The following LRRC74B variants were observed in gnomAD, a reference collection of about 807,000 sequenced individuals.
LRRC74B encodes the protein leucine-rich repeat-containing protein 74B.
A neutral mutation model predicts 16.6 loss-of-function variants in LRRC74B; 30 were observed. That is an observed-to-expected ratio of 1.80 (90% CI 1.35 to 2.45). The LOEUF (loss-of-function observed/expected upper bound fraction) is 2.45, where lower values mean the gene tolerates loss of function less well. LRRC74B is among the 30% of genes most tolerant of loss of function. The pLI is 0.00. For synonymous variants in LRRC74B, 134 were observed against 86.0 expected (o/e 1.56, Z -3.09); for missense variants, 326 against 202.4 (o/e 1.61, Z -3.71).
chr22:21,054,972 G>A (rs931401385), intron 6 of LRRC74B, 126 bp from the exon 7 acceptor site: 2 of 647,776 alleles, frequency 3.1e-6, no homozygotes, highest in East Asian at 2.7e-5. Flanking sequence ...TGGGGTGTGA[G>A]TGGAGGGAAC....
intron 3 of LRRC74B, chr22:21,048,742 T>C: frequency 1.7e-6 from 1 of 583,222 alleles, no homozygotes; most frequent in Non-Finnish European, 3.1e-6. Flanking sequence ...TTTAACCACT[T>C]GACACAGAAG....
downstream of LRRC74B, chr22:21,062,438 G>GGC (rs893202076): frequency 6.6e-6 from 1 of 152,150 alleles, no homozygotes; most frequent in African/African-American, 2.4e-5. Context: ...AATATGGCCA[G>GGC]GCGCGGTGGC....
rs1274622245 is a variant in LRRC74B, at chr22:21,047,796, GGGCTTT to G, written c.283-87_283-82del. On this transcript the variant is annotated intron_variant, in intron 2 of 8. Transcript: ENST00000442047. Reference sequence around the variant, plus strand: ...TCACTTAAAACAGGTGGGAAGGGGAGGGCTTTCCAGCTGGAGGATGTGGAGTGGGCT... The same window carrying G: ...TCACTTAAAACAGGTGGGAAGGGGAGCCAGCTGGAGGATGTGGAGTGGGCT... 5.6e-5 allele frequency: 38 copies of G among 683,236 alleles called. No individual in the cohort carries two copies. In the South Asian group the frequency reaches 5.8e-4, roughly 10 times the overall value. The allele number at this position is 683,236 out of a possible 1,614,324, so 42.3% of individuals were successfully genotyped here.
chr22:21,053,401 C>G, exon 6 of LRRC74B: 2 of 717,512 alleles, frequency 2.8e-6, no homozygotes, highest in Non-Finnish European at 5.2e-6. Context: ...CATACAATGG[C>G]TTTGGGGATC....
At chr22:21,051,377 C>T (rs1035153848) in intron 4 of LRRC74B, among the ~76,000 whole-genome samples, 14 of 152,122 alleles carry the variant, frequency 9.2e-5, no homozygotes, top group Non-Finnish European at 1.9e-4. Context: ...CTATTTTGCC[C>T]AGGCTGGTCT....
chr22:21,051,367 C>A (rs1930029105), intron 4 of LRRC74B, among the ~76,000 whole-genome samples: 1 of 152,122 alleles, frequency 6.6e-6, no homozygotes, highest in Admixed American at 6.6e-5. Context: ...CTAGGTCTCG[C>A]TATTTTGCCC....
downstream of LRRC74B, chr22:21,061,864 A>ATAT (rs549726082): frequency 3.4e-4 from 52 of 152,022 alleles, no homozygotes; most frequent in African/African-American, 1.1e-3. Flanking sequence ...ATACAGTGGA[A>ATAT]TATTATTTGG....
intron 7 of LRRC74B, among the ~76,000 whole-genome samples, chr22:21,055,950 C>T (rs1039996436): frequency 6.6e-6 from 1 of 152,114 alleles, no homozygotes; most frequent in Non-Finnish European, 1.5e-5. Flanking sequence ...GGGGCTCCTT[C>T]TTCCTTCTTC....
chr22:21,052,170 G>C (rs9625424), intron 4 of LRRC74B, 79 bp from the exon 5 acceptor site: 3 of 700,990 alleles, frequency 4.3e-6, no homozygotes, highest in Admixed American at 2.0e-5. Context: ...GCAGAGGCTC[G>C]GCACGCAGTG....
intron 2 of LRRC74B, 151 bp from the exon 3 acceptor site, chr22:21,047,733 G>A (rs1172682421): frequency 1.6e-6 from 1 of 623,374 alleles, no homozygotes; most frequent in Non-Finnish European, 2.9e-6. Context: ...CTGGGGGTGG[G>A]GGGAGACCTT....
chr22:21,054,901 C>T (rs368870692), intron 6 of LRRC74B, among the ~76,000 whole-genome samples, 197 bp from the exon 7 acceptor site: 1 of 152,256 alleles, frequency 6.6e-6, no homozygotes. Flanking sequence ...GTGTGTTTGC[C>T]GTGTGATTCC....
chr22:21,055,044 T>C, intron 6 of LRRC74B, 54 bp from the exon 7 acceptor site: 2 of 710,238 alleles, frequency 2.8e-6, no homozygotes, highest in South Asian at 1.5e-5. Context: ...CAGTGGGCTC[T>C]GCACCGCTGC....
At chr22:21,060,088 T>A (rs1930734949) in intron 8 of LRRC74B, among the ~76,000 whole-genome samples, 1 of 152,118 alleles carries the variant, frequency 6.6e-6, no homozygotes. Flanking sequence ...ATAGATAGCT[T>A]GAGTCCAGGA....
At chr22:21,048,921 C>T (rs1307416454) in intron 3 of LRRC74B, 30 bp from the exon 4 acceptor site, 3 of 710,706 alleles carry the variant, frequency 4.2e-6, no homozygotes, top group Non-Finnish European at 7.9e-6. Flanking sequence ...CTTTGCATCC[C>T]ACTGGCCGAG....
exon 3 of LRRC74B, chr22:21,048,015 T>C (rs1252700618): frequency 1.4e-6 from 1 of 717,012 alleles, no homozygotes; most frequent in Non-Finnish European, 2.6e-6. Context: ...GCAGCATCCA[T>C]GGTAGGTGCT....
Position 21,046,137 on chromosome 22 carries a change from A to G in LRRC74B, c.139+12A>G, listed in dbSNP as rs1214961765. ...CCTGGAGACGGAAGGTGCTCGGGGG[A>G]GGGGGCAGGCCCGACTCCTCCCCTT... On this transcript the variant is annotated intron_variant, in intron 1 of 8. Coordinates refer to ENST00000442047, the Ensembl canonical transcript of LRRC74B. 16 of 715,744 alleles carry G rather than the reference A, an allele frequency of 2.2e-5. No homozygotes were observed. Among genetic ancestry groups the G allele is most frequent in the South Asian group, 2.1e-4 (14 of 67,550 alleles). The allele number at this position is 715,744 out of a possible 1,614,324, so 44.3% of individuals were successfully genotyped here. A position where few individuals can be genotyped will look rare whatever the true frequency, so the allele number is the denominator to read the frequency against.
downstream of LRRC74B, chr22:21,061,790 C>A (rs988424372): frequency 2.6e-5 from 4 of 152,034 alleles, no homozygotes; most frequent in Non-Finnish European, 5.9e-5. Flanking sequence ...TCCATAGCAA[C>A]ATTATTTATA....
intron 4 of LRRC74B, among the ~76,000 whole-genome samples, chr22:21,051,166 A>G (rs1930008940): frequency 6.6e-6 from 1 of 151,998 alleles, no homozygotes; most frequent in Admixed American, 6.6e-5. Context: ...ACAACAAAAA[A>G]TACTTTCTTT....
At chr22:21,050,451 C>A (rs572563449) in intron 4 of LRRC74B, among the ~76,000 whole-genome samples, 1 of 152,122 alleles carries the variant, frequency 6.6e-6, no homozygotes, top group African/African-American at 2.4e-5. Flanking sequence ...AACCAGTTTG[C>A]CTTCTAAGAA....
Sources: gnomAD v4.1 joint callset for allele counts (sites outside exome capture counted in the v4.1 genomes callset) on GRCh38, gnomAD v4.1.1 for gene constraint, MANE v1.5 for transcripts, NCBI Gene and HGNC (gene_info 2026-07-23, HGNC 2026-07-21) for gene names.